DOCK4: variants seen among roughly 807,000 people sequenced by gnomAD.
DOCK4 encodes the protein dedicator of cytokinesis protein 4.
A neutral mutation model predicts 268.1 loss-of-function variants in DOCK4; 97 were observed. The ratio of observed to expected loss-of-function variants is 0.36; its 90% CI spans 0.31 to 0.43. The LOEUF (loss-of-function observed/expected upper bound fraction) is 0.43, where lower values mean the gene tolerates loss of function less well. DOCK4 is among the 20% of genes least tolerant of loss of function. The probability of loss-of-function intolerance (pLI) is 1.00; values close to 1 mark genes in which losing one functional copy is unlikely to be tolerated. For synonymous variants in DOCK4, 954 were observed against 887.2 expected, an observed-to-expected ratio of 1.08 and a Z score of -1.34; for missense variants, 2,145 against 2,455.7, an observed-to-expected ratio of 0.87 and a Z score of 2.67.
chr7:111,847,083 G>A lies in DOCK4; in HGVS notation c.2517C>T (p.His839=). The change falls in exon 24 of 53, where the codon CAC becomes CAT. Residue 839 remains histidine, a synonymous_variant. Coordinates refer to ENST00000428084, the MANE Select transcript of DOCK4 (RefSeq NM_001363540.2). ...ILLPVVLHHL[H]IHLQEQKDLI... is the part of the protein sequence containing the mutation. ...GGTCCTTCTGTTCTTGCAAGTGAAT[G>A]TGGAGGTGATGTAACACGACAGGCA... The A allele has an allele frequency of 6.2e-7, 1 of 1,613,834 alleles. No homozygotes were observed. The highest frequency in any genetic ancestry group is 8.5e-7 in the Non-Finnish European group (1 of 1,179,774).
intron 1 of DOCK4, among the ~76,000 whole-genome samples, chr7:112,059,631 A>G (rs1209441498): frequency 3.3e-5 from 5 of 152,154 alleles, no homozygotes; most frequent in Non-Finnish European, 2.9e-5. Flanking sequence ...GATATCCAAC[A>G]TTGTTTCCTC....
intron 23 of DOCK4, among the ~76,000 whole-genome samples, chr7:111,859,998 T>G (rs1805368433): frequency 1.3e-5 from 2 of 152,140 alleles, no homozygotes; most frequent in Admixed American, 6.5e-5. Flanking sequence ...CCCTCTTCTT[T>G]CCCCTCCAGT....
At chr7:111,821,839 T>C (rs997372750) in intron 27 of DOCK4, 1 of 152,416 alleles carries the variant, frequency 6.6e-6, no homozygotes, top group Admixed American at 6.5e-5. Context: ...ATGTATTTTG[T>C]TGAGAAGAAT....
chr7:111,893,194 A>G (rs929765824), intron 16 of DOCK4, among the ~76,000 whole-genome samples: 4 of 152,224 alleles, frequency 2.6e-5, no homozygotes, highest in African/African-American at 9.6e-5. Flanking sequence ...CTGTCTAGGA[A>G]TTAATACCTG....
chr7:112,088,862 C>A (rs1462166728), intron 1 of DOCK4, among the ~76,000 whole-genome samples: 2 of 152,084 alleles, frequency 1.3e-5, no homozygotes, highest in African/African-American at 4.8e-5. Context: ...CTAGTATCTA[C>A]CACCTCATAG....
chr7:111,875,248 A>G (rs1806757210), intron 17 of DOCK4, among the ~76,000 whole-genome samples: 1 of 152,198 alleles, frequency 6.6e-6, no homozygotes, highest in Non-Finnish European at 1.5e-5. Context: ...GTTTAATATA[A>G]TTATTTCATA....
chr7:112,130,291 A>G (rs539320262), intron 1 of DOCK4, among the ~76,000 whole-genome samples: 1 of 152,280 alleles, frequency 6.6e-6, no homozygotes, highest in South Asian at 2.1e-4. Flanking sequence ...CCAGGTCCAA[A>G]AAGTCCCTGG....
intron 38 of DOCK4, 140 bp downstream of exon 38, chr7:111,766,892 T>A (rs73432093): frequency 0.03 from 18,251 of 609,174 alleles, 2,011 homozygotes; most frequent in African/African-American, 0.26. Context: ...TTTCTCTATA[T>A]AAATAGCTAA....
intron 1 of DOCK4, among the ~76,000 whole-genome samples, chr7:112,114,223 C>T (rs977983512): frequency 7.9e-5 from 12 of 152,116 alleles, no homozygotes; most frequent in African/African-American, 2.9e-4. Flanking sequence ...CATTCCCCAC[C>T]ACTAATACTG....
At chr7:112,172,404 T>C (rs1818165609) in intron 1 of DOCK4, among the ~76,000 whole-genome samples, 1 of 152,220 alleles carries the variant, frequency 6.6e-6, no homozygotes, top group Non-Finnish European at 1.5e-5. Context: ...ATTTGGGCCA[T>C]ATCTCTCAGA....
intron 27 of DOCK4, among the ~76,000 whole-genome samples, chr7:111,812,227 G>GT (rs1011617403): frequency 6.7e-6 from 1 of 149,458 alleles, no homozygotes. Context: ...GTTTTGTAAT[G>GT]TTTTTTGTTA....
chr7:112,172,728 G>C (rs942170841), intron 1 of DOCK4, among the ~76,000 whole-genome samples: 3 of 152,196 alleles, frequency 2.0e-5, no homozygotes, highest in Non-Finnish European at 4.4e-5. Context: ...TCCTGTTACT[G>C]TAAGGATATA....
intron 43 of DOCK4, among the ~76,000 whole-genome samples, 174 bp downstream of exon 43, chr7:111,747,093 T>C (rs189705930): frequency 6.6e-6 from 1 of 152,082 alleles, no homozygotes; most frequent in East Asian, 1.9e-4. Flanking sequence ...GAAAATGGAG[T>C]TACTGGGCAA....
At chr7:111,792,914 C>A (rs1384378911) in intron 30 of DOCK4, among the ~76,000 whole-genome samples, 1 of 152,156 alleles carries the variant, frequency 6.6e-6, no homozygotes, top group Admixed American at 6.5e-5. Context: ...AAGTCAATAG[C>A]AAGTTTTTCA....
intron 1 of DOCK4, among the ~76,000 whole-genome samples, chr7:112,177,787 C>A (rs569735678): frequency 6.6e-6 from 1 of 151,924 alleles, no homozygotes; most frequent in Non-Finnish European, 1.5e-5. Context: ...AAAAGAGTCA[C>A]CTTTTACAGG....
At position 112,033,778 on chromosome 7, in the gene DOCK4, C is replaced by T. The variant is rs537201783; in HGVS notation, c.38-29647G>A. On this transcript the variant is annotated intron_variant, in intron 1 of 52. Coordinates refer to ENST00000428084, the MANE Select transcript of DOCK4 (RefSeq NM_001363540.2). ...CCTTGGAAATCTGAGCCACTACATT[C>T]CTGTTGAAGAATCATAATCTTCTTT... Among the ~76,000 whole-genome samples, 5 of 152,258 alleles carry T rather than the reference C, an allele frequency of 3.3e-5. No homozygotes were observed. The East Asian group carries it at 9.6e-4, about 29-fold the overall frequency.
At chr7:112,066,624 G>T (rs1382730127) in intron 1 of DOCK4, among the ~76,000 whole-genome samples, 1 of 108,066 alleles carries the variant, frequency 9.3e-6, no homozygotes, top group Admixed American at 1.1e-4. Flanking sequence ...ACATATATAC[G>T]TGTATATATA....
intron 7 of DOCK4, among the ~76,000 whole-genome samples, chr7:111,983,855 C>CGCACGCGCGT: frequency 9.5e-6 from 1 of 104,716 alleles, no homozygotes; most frequent in African/African-American, 3.8e-5. Context: ...CGCGCGCGCG[C>CGCACGCGCGT]GCGCGCGCAC....
chr7:111,902,633 GAAAT>G lies in DOCK4; in HGVS notation c.1193-836_1193-833del, dbSNP rs1240556556. Among the ~76,000 whole-genome samples the G allele has an allele frequency of 2.6e-5, 4 of 151,772 alleles. No homozygotes were observed. In the East Asian group the frequency reaches 7.7e-4, roughly 29 times the overall value. On this transcript the variant is annotated intron_variant, in intron 13 of 52. Transcript: ENST00000428084. ...AAATAATAAATGCATAGAGAAGTGA[GAAAT>G]AAGTCAACAAAGCACAACTAGAAAG...
Sources: gnomAD v4.1 joint callset for allele counts (sites outside exome capture counted in the v4.1 genomes callset) on GRCh38, gnomAD v4.1.1 for gene constraint, MANE v1.5 for transcripts, NCBI Gene and HGNC (gene_info 2026-07-23, HGNC 2026-07-21) for gene names.